PPFIA2: variants seen among roughly 807,000 people sequenced by gnomAD.
PPFIA2 encodes liprin-alpha-2.
In PPFIA2, 46 loss-of-function variants were observed where a neutral mutation model predicts 175.5. The ratio of observed to expected loss-of-function variants is 0.26; its 90% CI spans 0.21 to 0.34. The LOEUF (loss-of-function observed/expected upper bound fraction) is 0.34. Among genes scored for constraint, PPFIA2 ranks in the 10% least tolerant of loss-of-function variants. PPFIA2 has a pLI of 1.00. For missense variants in PPFIA2, 1,179 were observed against 1,506.1 expected (o/e 0.78, Z 3.60); for synonymous variants, 568 against 511.4 (o/e 1.11, Z -1.49).
chr12:81,648,264 A>T (rs1329508186), intron 4 of PPFIA2, among the ~76,000 whole-genome samples: 1 of 151,950 alleles, frequency 6.6e-6, no homozygotes, highest in Non-Finnish European at 1.5e-5. Context: ...GGAATAGAAA[A>T]GAACTTGCTC....
At chr12:81,523,641 C>T (rs1191639635) in intron 4 of PPFIA2, among the ~76,000 whole-genome samples, 2 of 152,108 alleles carry the variant, frequency 1.3e-5, no homozygotes, top group Non-Finnish European at 2.9e-5. Context: ...AACTACCCTT[C>T]TCATTCCTGG....
At chr12:81,549,330 ATAAT>A (rs1208646567) in intron 4 of PPFIA2, among the ~76,000 whole-genome samples, 5 of 152,204 alleles carry the variant, frequency 3.3e-5, no homozygotes, top group South Asian at 4.1e-4. Context: ...TGATTAGAAG[ATAAT>A]TAATGTATAT....
At chr12:81,272,597 A>G (rs1450847627) in intron 28 of PPFIA2, among the ~76,000 whole-genome samples, 1 of 152,146 alleles carries the variant, frequency 6.6e-6, no homozygotes, top group Non-Finnish European at 1.5e-5. Flanking sequence ...ATATTTTTTA[A>G]TAAACACTGT....
At chr12:81,493,490 T>C (rs750749691) in intron 4 of PPFIA2, among the ~76,000 whole-genome samples, 1 of 151,948 alleles carries the variant, frequency 6.6e-6, no homozygotes, top group Non-Finnish European at 1.5e-5. Flanking sequence ...AGTTACTAAC[T>C]CTGAGAAATA....
intron 4 of PPFIA2, among the ~76,000 whole-genome samples, chr12:81,472,160 G>A (rs1015646679): frequency 7.2e-5 from 11 of 152,146 alleles, no homozygotes; most frequent in Admixed American, 7.2e-4. Flanking sequence ...CAAATATACA[G>A]AAACAGAAAA....
intron 20 of PPFIA2, 108 bp downstream of exon 20, chr12:81,340,970 T>C: frequency 1.7e-6 from 2 of 1,193,848 alleles, no homozygotes; most frequent in Admixed American, 2.8e-5. Context: ...TGGAGAATTC[T>C]GGCTCAAATA....
chr12:81,653,838 T>C lies in PPFIA2; in HGVS notation c.303+22953A>G, dbSNP rs572531141. Reference sequence around the variant, plus strand: ...CTTGATTTCCTTCCTTTCTTCATCATAGCTCCCTGCTGTTTCCTTCACAAT... The same window carrying C: ...CTTGATTTCCTTCCTTTCTTCATCACAGCTCCCTGCTGTTTCCTTCACAAT... On this transcript the variant is annotated intron_variant, in intron 4 of 32. Coordinates refer to ENST00000549396, the MANE Select transcript of PPFIA2 (RefSeq NM_003625.5). Among the ~76,000 whole-genome samples, 3 of 152,218 alleles carry C rather than the reference T, an allele frequency of 2.0e-5. No homozygotes were observed. In the East Asian group the frequency reaches 5.8e-4, roughly 29 times the overall value.
chr12:81,617,318 CCT>C (rs1477091200), intron 4 of PPFIA2, among the ~76,000 whole-genome samples: 3 of 152,176 alleles, frequency 2.0e-5, no homozygotes, highest in Non-Finnish European at 4.4e-5. Flanking sequence ...TCCAGTGTCG[CCT>C]CTGTCATGTC....
chr12:81,580,175 T>A (rs1412787971), intron 4 of PPFIA2, among the ~76,000 whole-genome samples: 1 of 151,896 alleles, frequency 6.6e-6, no homozygotes, highest in African/African-American at 2.4e-5. Flanking sequence ...GTACACCTGT[T>A]TTGCATTCGT....
At chr12:81,721,076 TAAA>T (rs529352181) in intron 3 of PPFIA2, among the ~76,000 whole-genome samples, 3 of 115,834 alleles carry the variant, frequency 2.6e-5, no homozygotes, top group Non-Finnish European at 3.7e-5. Context: ...GCGTCCTAGC[TAAA>T]AAAAAAAAAA....
intron 4 of PPFIA2, among the ~76,000 whole-genome samples, chr12:81,479,352 C>A (rs183182378): frequency 1.1e-4 from 17 of 152,288 alleles, no homozygotes; most frequent in Admixed American, 6.5e-4. Context: ...CTGAATACAG[C>A]ACACCGATAG....
chr12:81,515,465 T>C (rs1176930311), intron 4 of PPFIA2, among the ~76,000 whole-genome samples: 1 of 152,010 alleles, frequency 6.6e-6, no homozygotes. Context: ...TAGCAAAAAT[T>C]CTAAAGATTT....
rs376973056 is a variant in PPFIA2 at position 81,592,421 on chromosome 12, GGAAAAATATGGTTT to G, written c.303+84356_303+84369del. ...AAGACATTTGGGATGGGTCTGGGAT[GGAAAAATATGGTTT>G]GATTCTGTCCCCATCCAAATCTCAT... is the stretch of plus-strand genomic sequence containing the variant. On this transcript the variant is annotated intron_variant, in intron 4 of 32. Coordinates refer to ENST00000549396, the MANE Select transcript of PPFIA2 (RefSeq NM_003625.5). 1.8e-3 allele frequency among the ~76,000 whole-genome samples: 269 copies of G among 152,150 alleles called. 1 individual carries two copies. Among genetic ancestry groups the G allele is most frequent in the African/African-American group, 6.3e-3 (261 of 41,528 alleles).
chr12:81,747,720 G>A (rs910001455), intron 3 of PPFIA2, among the ~76,000 whole-genome samples: 1 of 144,088 alleles, frequency 6.9e-6, no homozygotes, highest in Non-Finnish European at 1.6e-5. Flanking sequence ...GAGCTAGTAA[G>A]TAGCAAGTCC....
chr12:81,495,113 A>T (rs1198802272), intron 4 of PPFIA2, among the ~76,000 whole-genome samples: 1 of 152,030 alleles, frequency 6.6e-6, no homozygotes, highest in Non-Finnish European at 1.5e-5. Context: ...ATTTTAAAAA[A>T]AAGAAAAAGT....
At chr12:81,282,383 A>G (rs1383632324) in intron 26 of PPFIA2, among the ~76,000 whole-genome samples, 2 of 152,096 alleles carry the variant, frequency 1.3e-5, no homozygotes, top group Non-Finnish European at 2.9e-5. Context: ...ACAGGTCCTA[A>G]TGTAACTACC....
chr12:81,314,888 A>T (rs1221624753), intron 22 of PPFIA2, among the ~76,000 whole-genome samples: 6 of 151,826 alleles, frequency 4.0e-5, no homozygotes. Flanking sequence ...TTAATAGGTG[A>T]AAGTTGAGAA....
chr12:81,553,341 T>C (rs896095602), intron 4 of PPFIA2, among the ~76,000 whole-genome samples: 1 of 152,044 alleles, frequency 6.6e-6, no homozygotes, highest in African/African-American at 2.4e-5. Flanking sequence ...TGGTGGTAAA[T>C]TGTATTTTTC....
At position 81,259,522 on chromosome 12, in the gene PPFIA2, C is replaced by T; in HGVS notation, c.*172G>A. ...CTAATCAAATGTAATATCTGACTCC[C>T]CCCAAAAATCACATTTTTCAGCTTT... On this transcript the variant is annotated 3_prime_UTR_variant, in exon 33 of 33. Transcript: ENST00000549396. 2.0e-6 allele frequency: 2 copies of T among 983,474 alleles called. No individual in the cohort carries two copies. The highest frequency in any genetic ancestry group is 1.6e-5 in the African/African-American group (1 of 61,330). 60.9% of individuals were successfully genotyped at this position (983,474 alleles called of 1,614,324 possible). A position where few individuals can be genotyped will look rare whatever the true frequency, so the allele number is the denominator to read the frequency against.
Sources: allele counts gnomAD v4.1 joint callset (sites outside exome capture counted in the v4.1 genomes callset), GRCh38; gene constraint gnomAD v4.1.1; transcripts MANE v1.5; gene names NCBI Gene and HGNC (gene_info 2026-07-23, HGNC 2026-07-21).